Variants in PACRG observed in about 807,000 individuals in gnomAD.
PACRG encodes the protein parkin coregulated gene protein.
In PACRG, 29 loss-of-function variants were observed where a neutral mutation model predicts 29.7. The ratio of observed to expected loss-of-function variants is 0.98; its 90% CI spans 0.73 to 1.33. The LOEUF (loss-of-function observed/expected upper bound fraction) is 1.33. PACRG is among the 40% of genes most tolerant of loss of function. The pLI is 0.00. For missense variants in PACRG, 279 were observed against 316.2 expected (o/e 0.88, Z 0.89); for synonymous variants, 116 against 118.7 (o/e 0.98, Z 0.15).
chr6:163,103,897 A>G (rs1262657757), intron 4 of PACRG, among the ~76,000 whole-genome samples: 1 of 152,240 alleles, frequency 6.6e-6, no homozygotes, highest in East Asian at 1.9e-4. Context: ...GTCACAGGGC[A>G]GGAATGAACC....
rs150599699 is a variant in PACRG, at chr6:163,238,241, A to C, written c.614-76586A>C. Among the ~76,000 whole-genome samples, 7 of 152,356 alleles carry C rather than the reference A, an allele frequency of 4.6e-5. No homozygotes were observed. In the East Asian group the frequency reaches 1.2e-3, roughly 25 times the overall value. On this transcript the variant is annotated intron_variant, in intron 4 of 4. Transcript: ENST00000366888. The stretch of plus-strand genomic sequence containing the variant: ...TTGTATTATATCTTAAATAAAATTT[A>C]TTAGCTGAATAAATATTTATATGCA...
intron 1 of PACRG, among the ~76,000 whole-genome samples, chr6:162,780,625 T>G (rs1249296344): frequency 6.6e-6 from 1 of 152,062 alleles, no homozygotes; most frequent in Non-Finnish European, 1.5e-5. Context: ...AAATAGGACA[T>G]TAAAATAGTT....
At chr6:162,987,659 C>T (rs1803023767) in intron 2 of PACRG, among the ~76,000 whole-genome samples, 1 of 152,176 alleles carries the variant, frequency 6.6e-6, no homozygotes, top group Non-Finnish European at 1.5e-5. Flanking sequence ...AACTATGAGT[C>T]CATTAAACCT....
intron 4 of PACRG, among the ~76,000 whole-genome samples, chr6:163,184,449 G>C (rs1411126654): frequency 6.6e-6 from 1 of 152,144 alleles, no homozygotes; most frequent in Non-Finnish European, 1.5e-5. Flanking sequence ...AATTTTCAGT[G>C]TCCAATTGGA....
chr6:163,231,127 C>T (rs1008677085), intron 4 of PACRG, among the ~76,000 whole-genome samples: 2 of 152,216 alleles, frequency 1.3e-5, no homozygotes, highest in Non-Finnish European at 2.9e-5. Context: ...AGCGGCACCA[C>T]CTTTGGGAGG....
intron 4 of PACRG, among the ~76,000 whole-genome samples, chr6:163,117,965 A>G (rs1270097626): frequency 6.6e-6 from 1 of 152,146 alleles, no homozygotes; most frequent in African/African-American, 2.4e-5. Flanking sequence ...GTTTAAGAGA[A>G]CTAAGCCTGT....
At chr6:163,006,770 T>C (rs1285927070) in intron 2 of PACRG, among the ~76,000 whole-genome samples, 1 of 152,006 alleles carries the variant, frequency 6.6e-6, no homozygotes, top group Non-Finnish European at 1.5e-5. Context: ...AGCTTTCTTT[T>C]CAATAATGTT....
intron 4 of PACRG, among the ~76,000 whole-genome samples, chr6:163,090,878 A>T (rs1814048402): frequency 6.6e-6 from 1 of 152,334 alleles, no homozygotes; most frequent in African/African-American, 2.4e-5. Context: ...GAAGTGTGCG[A>T]TTCACTAATA....
intron 4 of PACRG, among the ~76,000 whole-genome samples, chr6:163,144,252 G>GAAAAAAAAAAAAAAAAA (rs1777692970): frequency 9.0e-6 from 1 of 110,854 alleles, no homozygotes; most frequent in Admixed American, 8.9e-5. Context: ...AAAAAAAAGG[G>GAAAAAAAAAAAAAAAAA]AAAAGTAGTT....
rs77706729 is a variant in PACRG, at chr6:162,951,684, G to A, written c.292-110466G>A. 4.3e-3 allele frequency among the ~76,000 whole-genome samples: 659 copies of A among 152,228 alleles called. 31 individuals carry two copies. In the East Asian group the frequency reaches 0.11, roughly 25 times the overall value. On this transcript the variant is annotated intron_variant, in intron 2 of 4. Transcript: ENST00000366888. Reference sequence around the variant, plus strand: ...AGAGTCTGTTTTGTCTTTCAGCTGGGGGCATACTTTAACGGTTTATGTTTT... The same window carrying A: ...AGAGTCTGTTTTGTCTTTCAGCTGGAGGCATACTTTAACGGTTTATGTTTT...
At chr6:162,880,210 T>G (rs1486332050) in intron 2 of PACRG, among the ~76,000 whole-genome samples, 2 of 152,190 alleles carry the variant, frequency 1.3e-5, no homozygotes, top group African/African-American at 4.8e-5. Context: ...GTAGCAACGG[T>G]AAGAAATGTC....
chr6:162,780,383 C>A (rs749360466), intron 1 of PACRG, among the ~76,000 whole-genome samples: 1 of 152,110 alleles, frequency 6.6e-6, no homozygotes, highest in Non-Finnish European at 1.5e-5. Context: ...AATAAGTTAA[C>A]CATGTTCCAG....
intron 4 of PACRG, among the ~76,000 whole-genome samples, chr6:163,262,546 A>G (rs562113069): frequency 3.9e-5 from 6 of 151,952 alleles, no homozygotes; most frequent in African/African-American, 1.4e-4. Flanking sequence ...TTCAGATCTA[A>G]TAATATATCA....
At chr6:162,971,900 G>C (rs1379777554) in intron 2 of PACRG, among the ~76,000 whole-genome samples, 1 of 152,104 alleles carries the variant, frequency 6.6e-6, no homozygotes, top group Non-Finnish European at 1.5e-5. Context: ...GTTTGGCACC[G>C]CCTGTTCTCC....
intron 3 of PACRG, among the ~76,000 whole-genome samples, chr6:163,080,764 T>A (rs1813003745): frequency 6.6e-6 from 1 of 152,224 alleles, no homozygotes; most frequent in African/African-American, 2.4e-5. Flanking sequence ...CCACTTGTAA[T>A]GGCAAAACTT....
At chr6:162,727,217 G>GA (rs1413332607), upstream of PACRG, 1 of 165,810 alleles carries the variant, frequency 6.0e-6, no homozygotes, top group African/African-American at 2.4e-5. Context: ...GCGGTTTCCT[G>GA]AAAGAGCCCC....
chr6:163,266,200 T>G (rs372223149), intron 4 of PACRG, among the ~76,000 whole-genome samples: 1 of 152,216 alleles, frequency 6.6e-6, no homozygotes, highest in East Asian at 1.9e-4. Flanking sequence ...GAATGGGAAG[T>G]GGAAATGTCC....
intron 4 of PACRG, among the ~76,000 whole-genome samples, chr6:163,311,956 T>G (rs894758813): frequency 1.3e-5 from 2 of 152,182 alleles, no homozygotes; most frequent in Non-Finnish European, 2.9e-5. Flanking sequence ...TATGTCTGTC[T>G]CCTGGTCTAT....
At chr6:162,824,528 C>T (rs947178244) in intron 2 of PACRG, among the ~76,000 whole-genome samples, 4 of 152,126 alleles carry the variant, frequency 2.6e-5, no homozygotes, top group Admixed American at 6.5e-5. Context: ...TCCTCTTTTT[C>T]TGTATCTTCA....
Sources: allele counts gnomAD v4.1 joint callset (sites outside exome capture counted in the v4.1 genomes callset), GRCh38; gene constraint gnomAD v4.1.1; transcripts MANE v1.5; gene names NCBI Gene and HGNC (gene_info 2026-07-23, HGNC 2026-07-21).